The following ITPRID1 variants were observed in gnomAD, a reference collection of about 807,000 sequenced individuals.
The protein encoded by ITPRID1 is protein ITPRID1.
ITPRID1 carries 96 observed loss-of-function variants against 95.4 expected under a neutral mutation model. The observed-to-expected ratio is 1.01, with a 90% CI of 0.85 to 1.19. ITPRID1 has a LOEUF of 1.19. ITPRID1 is among the 50% of genes most tolerant of loss of function. The pLI, the probability that ITPRID1 is intolerant of heterozygous loss-of-function variation, is 0.00. For missense variants in ITPRID1, 1,339 were observed against 1,252.9 expected, an observed-to-expected ratio of 1.07 and a Z score of -1.04; for synonymous variants, 510 against 453.6, an observed-to-expected ratio of 1.12 and a Z score of -1.58.
intron 5 of ITPRID1, among the ~76,000 whole-genome samples, chr7:31,567,027 A>G (rs2128141806): frequency 6.6e-6 from 1 of 152,268 alleles, no homozygotes; most frequent in South Asian, 2.1e-4. Context: ...TTATTGTGGA[A>G]TTCCTATGAT....
At position 31,643,512 on chromosome 7, in the gene ITPRID1, C is replaced by T. The variant is rs377002952; in HGVS notation, c.2142C>T (p.Ser714=). 1.2e-6 allele frequency: 2 copies of T among 1,614,028 alleles called. No individual in the cohort carries two copies. Among genetic ancestry groups the T allele is most frequent in the Non-Finnish European group, 1.7e-6 (2 of 1,179,900 alleles). Reference sequence around the variant, plus strand: ...GGTCTGTAATGACCCAGATGTCCTCCAGCCTGGTGTCGGCTGCTCAGAGGG... The same window carrying T: ...GGTCTGTAATGACCCAGATGTCCTCTAGCCTGGTGTCGGCTGCTCAGAGGG... ...SSRSVMTQMS[S]SLVSAAQRAV... Residue 714 remains serine (S), a synonymous_variant, in exon 12 of 15, where the codon TCC becomes TCT. Coordinates refer to ENST00000615280, the MANE Select transcript of ITPRID1 (RefSeq NM_001257967.3).
At chr7:31,634,339 T>A (rs1003625846) in intron 10 of ITPRID1, among the ~76,000 whole-genome samples, 1 of 152,234 alleles carries the variant, frequency 6.6e-6, no homozygotes, top group African/African-American at 2.4e-5. Flanking sequence ...CAGATAATAT[T>A]AATAATGATG....
At chr7:31,610,299 G>A (rs1786810609) in intron 10 of ITPRID1, among the ~76,000 whole-genome samples, 1 of 151,380 alleles carries the variant, frequency 6.6e-6, no homozygotes, top group African/African-American at 2.4e-5. Flanking sequence ...TGTCTATTAG[G>A]ACTACTTGAT....
At position 31,569,741 on chromosome 7, in the gene ITPRID1, T is replaced by A. The variant is rs760647194; in HGVS notation, c.257-17T>A. ...AAAACGAAATAAAGTTCCCCTCTACTTTTTTTGTTGTTGCAGTTTCTTTGT... is the reference window on the plus strand; with the variant it reads ...AAAACGAAATAAAGTTCCCCTCTACATTTTTTGTTGTTGCAGTTTCTTTGT... On this transcript the variant is annotated splice_polypyrimidine_tract_variant and intron_variant, in intron 5 of 14. Transcript: ENST00000615280. The A allele has an allele frequency of 6.4e-7, 1 of 1,561,148 alleles. No homozygotes were observed. The highest frequency in any genetic ancestry group is 1.2e-5 in the South Asian group (1 of 83,920).
intron 10 of ITPRID1, among the ~76,000 whole-genome samples, chr7:31,584,686 G>T (rs1393310988): frequency 1.3e-5 from 2 of 152,152 alleles, no homozygotes; most frequent in Non-Finnish European, 2.9e-5. Flanking sequence ...CAAAAATAGT[G>T]TTGTTAACTG....
At chr7:31,626,567 G>T (rs1788485173) in intron 10 of ITPRID1, among the ~76,000 whole-genome samples, 1 of 152,082 alleles carries the variant, frequency 6.6e-6, no homozygotes, top group African/African-American at 2.4e-5. Context: ...TATTTTTCCT[G>T]CAGTAGTTAT....
chr7:31,604,793 C>T lies in ITPRID1; in HGVS notation c.1228+21602C>T, dbSNP rs190173687. ...GGATAGCTTATGTCAGATAGGAAAT[C>T]GAGAACCCTTTTATTTTAGCCTGGT... On this transcript the variant is annotated intron_variant, in intron 10 of 14. Transcript: ENST00000615280. Among the ~76,000 whole-genome samples, 634 of 152,154 alleles carry T rather than the reference C, an allele frequency of 4.2e-3. 2 individuals carry two copies. The highest frequency in any genetic ancestry group is 7.8e-3 in the Non-Finnish European group (529 of 68,000).
At chr7:31,636,462 T>C (rs1238260416) in intron 10 of ITPRID1, among the ~76,000 whole-genome samples, 1 of 152,068 alleles carries the variant, frequency 6.6e-6, no homozygotes, top group Non-Finnish European at 1.5e-5. Flanking sequence ...GTATGGAGAG[T>C]CCTTCAGTTT....
At chr7:31,634,677 A>G (rs1402194412) in intron 10 of ITPRID1, among the ~76,000 whole-genome samples, 1 of 152,184 alleles carries the variant, frequency 6.6e-6, no homozygotes, top group Non-Finnish European at 1.5e-5. Context: ...GGGAACCAGC[A>G]GTCTAAGGAG....
At chr7:31,642,117 A>C in intron 10 of ITPRID1, 59 bp from the exon 11 acceptor site, 1 of 1,293,950 alleles carries the variant, frequency 7.7e-7, no homozygotes, top group East Asian at 2.6e-5. Flanking sequence ...GGGTTGATCC[A>C]AGTCCTGCTG....
At chr7:31,606,083 A>C (rs952394257) in intron 10 of ITPRID1, among the ~76,000 whole-genome samples, 7 of 152,194 alleles carry the variant, frequency 4.6e-5, no homozygotes, top group African/African-American at 1.7e-4. Flanking sequence ...AATTTCATTA[A>C]AATGTATAGA....
At chr7:31,613,251 C>T (rs979734477) in intron 10 of ITPRID1, among the ~76,000 whole-genome samples, 7 of 152,118 alleles carry the variant, frequency 4.6e-5, no homozygotes, top group African/African-American at 1.4e-4. Context: ...TAAAGTGCCA[C>T]GAAGTTCACT....
At chr7:31,583,735 G>T (rs1024946053) in intron 10 of ITPRID1, among the ~76,000 whole-genome samples, 7 of 152,136 alleles carry the variant, frequency 4.6e-5, no homozygotes, top group African/African-American at 1.4e-4. Flanking sequence ...GGTGTGTGTG[G>T]CTTGTCTGAC....
chr7:31,651,904 GTTAAA>G, intron 13 of ITPRID1, 30 bp from the exon 14 acceptor site: 1 of 1,468,484 alleles, frequency 6.8e-7, no homozygotes, highest in East Asian at 2.5e-5. Context: ...GGGAAGGATT[GTTAAA>G]TTTGGTTATT....
intron 12 of ITPRID1, among the ~76,000 whole-genome samples, chr7:31,649,937 C>T (rs765116892): frequency 6.6e-6 from 1 of 152,026 alleles, no homozygotes; most frequent in Admixed American, 6.5e-5. Flanking sequence ...TTTGGGCATT[C>T]TAAAGAGAGA....
At chr7:31,624,337 C>T (rs1343501444) in intron 10 of ITPRID1, among the ~76,000 whole-genome samples, 1 of 145,504 alleles carries the variant, frequency 6.9e-6, no homozygotes, top group African/African-American at 2.6e-5. Flanking sequence ...CAAAAGAACA[C>T]AGCTGGAGGC....
chr7:31,581,567 TAAAC>T (rs1179814851), intron 9 of ITPRID1, among the ~76,000 whole-genome samples: 1 of 152,178 alleles, frequency 6.6e-6, no homozygotes, highest in Middle Eastern at 3.2e-3. Flanking sequence ...ACCATATTAT[TAAAC>T]AACCCCAGTC....
At chr7:31,540,714 G>T (rs749234217) in intron 1 of ITPRID1, among the ~76,000 whole-genome samples, 1 of 152,192 alleles carries the variant, frequency 6.6e-6, no homozygotes, top group African/African-American at 2.4e-5. Context: ...TTAAAGCCAA[G>T]CCCAGCCATG....
At chr7:31,554,768 C>A in intron 4 of ITPRID1, 90 bp from the exon 5 acceptor site, 1 of 1,148,846 alleles carries the variant, frequency 8.7e-7, no homozygotes, top group Non-Finnish European at 1.3e-6. Flanking sequence ...CCTAACTCTG[C>A]ATTTGCTCTC....
Sources: gnomAD v4.1 joint callset for allele counts (sites outside exome capture counted in the v4.1 genomes callset) on GRCh38, gnomAD v4.1.1 for gene constraint, MANE v1.5 for transcripts, NCBI Gene and HGNC (gene_info 2026-07-23, HGNC 2026-07-21) for gene names.